The following C1QTNF7 variants were observed in gnomAD, a reference collection of about 807,000 sequenced individuals.
The protein encoded by C1QTNF7 is C1q and TNF related 7.
C1QTNF7 carries 15 observed loss-of-function variants against 19.6 expected under a neutral mutation model. That is an observed-to-expected ratio of 0.76 (90% CI 0.51 to 1.18). The LOEUF is 1.18. Among genes scored for constraint, C1QTNF7 ranks in the 50% most tolerant of loss-of-function variants. The pLI is 0.00. For synonymous variants in C1QTNF7, 142 were observed against 137.5 expected, an observed-to-expected ratio of 1.03 and a Z score of -0.23; for missense variants, 324 against 359.7, an observed-to-expected ratio of 0.90 and a Z score of 0.80.
chr4:15,388,228 G>C (rs1250537044), intron 1 of C1QTNF7, among the ~76,000 whole-genome samples: 2 of 152,198 alleles, frequency 1.3e-5, no homozygotes, highest in Non-Finnish European at 2.9e-5. Flanking sequence ...TTATAAAGGA[G>C]AGTTGGATGT....
At chr4:15,379,237 G>T (rs1718055083) in intron 1 of C1QTNF7, among the ~76,000 whole-genome samples, 1 of 152,176 alleles carries the variant, frequency 6.6e-6, no homozygotes, top group Admixed American at 6.5e-5. Context: ...ATGGGATTAG[G>T]AAATTGGAGT....
upstream of C1QTNF7, among the ~76,000 whole-genome samples, chr4:15,427,038 T>C (rs778206521): frequency 1.3e-5 from 2 of 152,176 alleles, no homozygotes; most frequent in Non-Finnish European, 2.9e-5. Flanking sequence ...TATGATGGCA[T>C]TAAGATTTTG....
chr4:15,432,158 G>C (rs1712339197), intron 1 of C1QTNF7, among the ~76,000 whole-genome samples: 1 of 152,188 alleles, frequency 6.6e-6, no homozygotes, highest in African/African-American at 2.4e-5. Context: ...CTGACAATGT[G>C]AGGAGAATAG....
intron 1 of C1QTNF7, among the ~76,000 whole-genome samples, chr4:15,348,824 A>C (rs1463945109): frequency 6.6e-6 from 1 of 152,128 alleles, no homozygotes; most frequent in East Asian, 1.9e-4. Flanking sequence ...AGGAATTCCC[A>C]TTTTCTTGCT....
intron 1 of C1QTNF7, among the ~76,000 whole-genome samples, chr4:15,397,491 A>G (rs1000676734): frequency 7.2e-5 from 11 of 152,196 alleles, no homozygotes; most frequent in Non-Finnish European, 1.0e-4. Flanking sequence ...ATGCTTTGTG[A>G]GCATAAAATC....
At position 15,440,527 on chromosome 4, in the gene C1QTNF7, C is replaced by T. The variant is rs1213515859; in HGVS notation, c.239-1641C>T. ...GGTTCAAGCAATTCCCCTGCCTCAG[C>T]CTTCCGAGTAGCTGGGACTACAGGC... On this transcript the variant is annotated intron_variant, in intron 2 of 2. Transcript: ENST00000444304. Among the ~76,000 whole-genome samples, 5 of 151,834 alleles carry T rather than the reference C, an allele frequency of 3.3e-5. No homozygotes were observed. In the East Asian group the frequency reaches 7.8e-4, roughly 24 times the overall value.
In C1QTNF7 at chr4:15,443,163, C is replaced by T. The variant is rs1205518864; in HGVS notation, c.*364C>T. On this transcript the variant is annotated 3_prime_UTR_variant, in exon 3 of 3. Coordinates refer to ENST00000444304, the MANE Select transcript of C1QTNF7 (RefSeq NM_031911.5). Reference sequence around the variant, plus strand: ...ATTTTAGTCTGTTATTTAAGAAAAACATAACATCCCAAAATCTTTGACAAT... The same window carrying T: ...ATTTTAGTCTGTTATTTAAGAAAAATATAACATCCCAAAATCTTTGACAAT... 2 of 160,854 alleles carry T rather than the reference C, an allele frequency of 1.2e-5. No individual in the cohort carries two copies. The highest frequency in any genetic ancestry group is 4.8e-5 in the African/African-American group (2 of 41,646). The allele number at this position is 160,854 out of a possible 1,614,324, so 10.0% of individuals were successfully genotyped here. A position where few individuals can be genotyped will look rare whatever the true frequency, so the allele number is the denominator to read the frequency against.
intron 1 of C1QTNF7, among the ~76,000 whole-genome samples, chr4:15,390,528 T>C (rs1308759696): frequency 6.6e-6 from 1 of 152,072 alleles, no homozygotes; most frequent in African/African-American, 2.4e-5. Flanking sequence ...CCATGAAACA[T>C]TAAGGAAGAA....
At chr4:15,419,532 A>C (rs1316518856) in intron 1 of C1QTNF7, among the ~76,000 whole-genome samples, 4 of 152,234 alleles carry the variant, frequency 2.6e-5, no homozygotes, top group Non-Finnish European at 5.9e-5. Flanking sequence ...CTATGCATAC[A>C]CAGAGAGAAC....
At chr4:15,421,183 GAA>G (rs955560569) in intron 1 of C1QTNF7, among the ~76,000 whole-genome samples, 3 of 148,642 alleles carry the variant, frequency 2.0e-5, no homozygotes, top group Non-Finnish European at 3.0e-5. Context: ...CGAGATGACT[GAA>G]AAAAAAAGAG....
chr4:15,422,609 T>C (rs1349516650), intron 1 of C1QTNF7, among the ~76,000 whole-genome samples: 2 of 151,946 alleles, frequency 1.3e-5, no homozygotes, highest in Non-Finnish European at 2.9e-5. Context: ...AAACTTTCGA[T>C]AATTTTTTTT....
chr4:15,388,610 G>A (rs902149209), intron 1 of C1QTNF7, among the ~76,000 whole-genome samples: 2 of 152,196 alleles, frequency 1.3e-5, no homozygotes, highest in African/African-American at 4.8e-5. Context: ...TGAAGGTGCT[G>A]TAGTTATTGG....
chr4:15,437,408 A>G (rs1712581120), intron 2 of C1QTNF7, among the ~76,000 whole-genome samples: 1 of 152,164 alleles, frequency 6.6e-6, no homozygotes, highest in Non-Finnish European at 1.5e-5. Context: ...GATAACTGCC[A>G]TGTGATAAAA....
intron 1 of C1QTNF7, among the ~76,000 whole-genome samples, chr4:15,420,996 C>T (rs1252437516): frequency 3.3e-5 from 5 of 151,876 alleles, no homozygotes; most frequent in African/African-American, 7.2e-5. Context: ...CACCACCTGC[C>T]GCTAAATCTT....
Position 15,435,762 on chromosome 4 carries a change from G to T in C1QTNF7, c.19G>T (p.Val7Phe), listed in dbSNP as rs537297407. Residue 7 changes from valine (V) to phenylalanine (F), a missense_variant, in exon 2 of 3, where the codon GTT becomes TTT. Coordinates refer to ENST00000444304, the MANE Select transcript of C1QTNF7 (RefSeq NM_031911.5). MFVLLY[V>F]TSFAICASGQ... ...GCCAAAGATGTTTGTCTTGCTCTAT[G>T]TTACAAGTTTTGCCATTTGTGCCAG... is the stretch of plus-strand genomic sequence containing the variant. The T allele has an allele frequency of 6.2e-7, 1 of 1,614,128 alleles. No homozygotes were observed. Among genetic ancestry groups the T allele is most frequent in the South Asian group, 1.1e-5 (1 of 91,080 alleles).
At chr4:15,376,427 T>C (rs1227617404) in intron 1 of C1QTNF7, among the ~76,000 whole-genome samples, 1 of 152,206 alleles carries the variant, frequency 6.6e-6, no homozygotes, top group Non-Finnish European at 1.5e-5. Context: ...TGAAGCAGAG[T>C]TCCTGGAGAC....
chr4:15,377,302 C>A (rs1373695555), intron 1 of C1QTNF7, among the ~76,000 whole-genome samples: 1 of 152,154 alleles, frequency 6.6e-6, no homozygotes, highest in Non-Finnish European at 1.5e-5. Context: ...GGGTTATTTC[C>A]TATCTTGTTG....
chr4:15,395,139 G>GT, intron 1 of C1QTNF7, among the ~76,000 whole-genome samples: 1 of 152,200 alleles, frequency 6.6e-6, no homozygotes, highest in Non-Finnish European at 1.5e-5. Flanking sequence ...CCTTCACTGT[G>GT]TTTTCCATGG....
At chr4:15,442,032 A>T in intron 2 of C1QTNF7, 136 bp from the exon 3 acceptor site, 10 of 838,482 alleles carry the variant, frequency 1.2e-5, no homozygotes, top group South Asian at 2.5e-5. Flanking sequence ...AAAAAAAAAA[A>T]GTTTATTATT....
Sources: gnomAD v4.1 joint callset for allele counts (sites outside exome capture counted in the v4.1 genomes callset) on GRCh38, gnomAD v4.1.1 for gene constraint, MANE v1.5 for transcripts, NCBI Gene and HGNC (gene_info 2026-07-23, HGNC 2026-07-21) for gene names.